Variants in DOCK3 observed in about 807,000 individuals in gnomAD.
The protein encoded by DOCK3 is dedicator of cytokinesis protein 3.
A neutral mutation model predicts 265.6 loss-of-function variants in DOCK3; 60 were observed. The ratio of observed to expected loss-of-function variants is 0.23; its 90% CI spans 0.18 to 0.28. The LOEUF (loss-of-function observed/expected upper bound fraction) is 0.28. DOCK3 is among the 10% of genes least tolerant of loss of function. The pLI is 1.00. For missense variants in DOCK3, 1,981 were observed against 2,594.3 expected, an observed-to-expected ratio of 0.76 and a Z score of 5.14; for synonymous variants, 881 against 938.0, an observed-to-expected ratio of 0.94 and a Z score of 1.11.
At chr3:51,277,804 T>C in intron 26 of DOCK3, 50 bp downstream of exon 26, 2 of 1,572,844 alleles carry the variant, frequency 1.3e-6, no homozygotes, top group Non-Finnish European at 1.7e-6. Flanking sequence ...AACCCGGGGC[T>C]TCTCCACAAC....
chr3:51,152,081 G>A (rs542207348), intron 10 of DOCK3, among the ~76,000 whole-genome samples: 3 of 152,180 alleles, frequency 2.0e-5, no homozygotes, highest in African/African-American at 4.8e-5. Context: ...ATAATATCCT[G>A]CAGAGTGTTT....
intron 7 of DOCK3, among the ~76,000 whole-genome samples, chr3:51,076,900 TG>T (rs1315100897): frequency 6.6e-6 from 1 of 152,072 alleles, no homozygotes; most frequent in African/African-American, 2.4e-5. Flanking sequence ...CACTAACTCA[TG>T]TTAGTGAGTG....
chr3:50,706,489 T>C (rs1019878300), intron 1 of DOCK3, among the ~76,000 whole-genome samples: 1 of 152,188 alleles, frequency 6.6e-6, no homozygotes, highest in Non-Finnish European at 1.5e-5. Context: ...CCTTATATGT[T>C]ATTCGATGCT....
intron 5 of DOCK3, among the ~76,000 whole-genome samples, chr3:51,018,520 C>T (rs374853786): frequency 6.8e-6 from 1 of 147,676 alleles, no homozygotes; most frequent in East Asian, 2.0e-4. Flanking sequence ...TATATCAGTA[C>T]AGTTTGAGTA....
At chr3:51,347,097 C>G (rs886872097) in intron 38 of DOCK3, among the ~76,000 whole-genome samples, 1 of 152,178 alleles carries the variant, frequency 6.6e-6, no homozygotes, top group African/African-American at 2.4e-5. Flanking sequence ...GTTGCCTGTT[C>G]ACTCTGATGG....
intron 1 of DOCK3, among the ~76,000 whole-genome samples, chr3:50,683,744 T>G (rs2034574444): frequency 6.6e-6 from 1 of 152,138 alleles, no homozygotes; most frequent in Admixed American, 6.5e-5. Flanking sequence ...TTCATCTTCC[T>G]GTACAGGAGG....
intron 9 of DOCK3, among the ~76,000 whole-genome samples, chr3:51,112,114 G>C (rs1466055403): frequency 2.0e-5 from 3 of 152,134 alleles, no homozygotes; most frequent in Non-Finnish European, 4.4e-5. Context: ...GTTGGTGGGA[G>C]TGTAAATTAG....
At chr3:51,032,634 A>G (rs1368169894) in intron 5 of DOCK3, among the ~76,000 whole-genome samples, 1 of 152,180 alleles carries the variant, frequency 6.6e-6, no homozygotes, top group Non-Finnish European at 1.5e-5. Context: ...GAAGCTGGGT[A>G]CAGTGGCTAA....
chr3:51,288,903 GGTGTGTGTGTGTGTGT>G (rs146598674), intron 27 of DOCK3, among the ~76,000 whole-genome samples: 38 of 144,240 alleles, frequency 2.6e-4, no homozygotes, highest in African/African-American at 9.4e-4. Context: ...TGTGTGTGTG[GGTGTGTGTGTGTGTGT>G]GTGTGTGCCC....
At chr3:50,993,796 G>T (rs910117419) in intron 5 of DOCK3, among the ~76,000 whole-genome samples, 5 of 152,144 alleles carry the variant, frequency 3.3e-5, no homozygotes, top group African/African-American at 1.2e-4. Flanking sequence ...TTAAAATTCA[G>T]ATTTGATCAT....
chr3:50,879,722 C>T (rs1158418853), intron 3 of DOCK3, among the ~76,000 whole-genome samples: 2 of 152,062 alleles, frequency 1.3e-5, no homozygotes, highest in African/African-American at 2.4e-5. Context: ...GACAGATCAA[C>T]GAGACAGAAA....
chr3:51,254,196 G>A (rs757086985), intron 22 of DOCK3, among the ~76,000 whole-genome samples: 1 of 152,064 alleles, frequency 6.6e-6, no homozygotes, highest in Non-Finnish European at 1.5e-5. Flanking sequence ...TTTCTTAGTC[G>A]TGAGTTCTAG....
At chr3:50,804,730 AGAGAGAGGGAGAGAGAGACCGTGGG>A in intron 2 of DOCK3, among the ~76,000 whole-genome samples, 1 of 148,194 alleles carries the variant, frequency 6.7e-6, no homozygotes, top group Non-Finnish European at 1.5e-5. Context: ...GAGACCGTGG[AGAGAGAGGGAGAGAGAGACCGTGGG>A]GAGAGGGAGA....
chr3:51,278,317 G>A lies in DOCK3; in HGVS notation c.2823+563G>A, dbSNP rs956932167. The A allele has an allele frequency of 1.4e-5, 14 of 985,288 alleles. No individual in the cohort carries two copies. The African/African-American group carries it at 2.3e-4, about 16-fold the overall frequency. 61.0% of individuals were successfully genotyped at this position (985,288 alleles called of 1,614,324 possible). ...AGAAACAAACTGGGAAGGCTTCTCAGGAGGGGCAGAGAGACAATACCTTGG... is the reference window on the plus strand; with the variant it reads ...AGAAACAAACTGGGAAGGCTTCTCAAGAGGGGCAGAGAGACAATACCTTGG... On this transcript the variant is annotated intron_variant, in intron 26 of 52. Coordinates refer to ENST00000266037, the MANE Select transcript of DOCK3 (RefSeq NM_004947.5).
chr3:50,854,963 G>A (rs1440060391), intron 3 of DOCK3, among the ~76,000 whole-genome samples: 1 of 151,692 alleles, frequency 6.6e-6, no homozygotes, highest in Non-Finnish European at 1.5e-5. Context: ...TTTATTTCTG[G>A]CTTTTCTATG....
intron 27 of DOCK3, 108 bp from the exon 28 acceptor site, chr3:51,310,124 C>T (rs2082978129): frequency 1.2e-6 from 1 of 818,172 alleles, no homozygotes; most frequent in East Asian, 2.7e-5. Context: ...CCAGATCTAA[C>T]TCACTGGTCC....
intron 5 of DOCK3, among the ~76,000 whole-genome samples, chr3:50,967,109 G>C (rs1482581136): frequency 6.6e-6 from 1 of 151,922 alleles, no homozygotes; most frequent in African/African-American, 2.4e-5. Flanking sequence ...ACCCTACTGG[G>C]CTGTTGAACA....
At chr3:51,208,210 C>A (rs2089322823) in intron 12 of DOCK3, among the ~76,000 whole-genome samples, 1 of 152,236 alleles carries the variant, frequency 6.6e-6, no homozygotes, top group East Asian at 1.9e-4. Context: ...TTCCCCCTGA[C>A]CACAGAAGAC....
chr3:50,679,912 T>C (rs2034267289), intron 1 of DOCK3, among the ~76,000 whole-genome samples: 1 of 152,210 alleles, frequency 6.6e-6, no homozygotes, highest in African/African-American at 2.4e-5. Flanking sequence ...ACTTGAGCTT[T>C]ACACTATATC....
Sources: allele counts gnomAD v4.1 joint callset (sites outside exome capture counted in the v4.1 genomes callset), GRCh38; gene constraint gnomAD v4.1.1; transcripts MANE v1.5; gene names NCBI Gene and HGNC (gene_info 2026-07-23, HGNC 2026-07-21).